Variants in RPRD2 observed in about 807,000 individuals in gnomAD.
RPRD2 encodes regulation of nuclear pre-mRNA domain containing 2, also known as regulation of nuclear pre-mRNA domain-containing protein 2.
RPRD2 carries 12 observed loss-of-function variants against 104.4 expected under a neutral mutation model. The ratio of observed to expected loss-of-function variants is 0.11; its 90% confidence interval spans 0.07 to 0.19. The LOEUF is 0.19. Among genes scored for constraint, RPRD2 ranks in the 10% least tolerant of loss-of-function variants. The pLI is 1.00. For synonymous variants in RPRD2, 714 were observed against 684.9 expected (o/e 1.04, Z -0.66); for missense variants, 1,543 against 1,790.1 (o/e 0.86, Z 2.49).
chr1:150,414,029 G>T (rs956774670), intron 1 of RPRD2, among the ~76,000 whole-genome samples: 1 of 152,058 alleles, frequency 6.6e-6, no homozygotes, highest in Non-Finnish European at 1.5e-5. Context: ...GGAGGCAGAG[G>T]TTTCAGTGAG....
chr1:150,407,867 G>T (rs1553886890), intron 1 of RPRD2, among the ~76,000 whole-genome samples: 1 of 152,062 alleles, frequency 6.6e-6, no homozygotes, highest in Non-Finnish European at 1.5e-5. Context: ...AAGCCAGAGG[G>T]TATGTTATGG....
chr1:150,432,367 AG>A (rs1350080694), intron 2 of RPRD2, among the ~76,000 whole-genome samples: 2 of 151,960 alleles, frequency 1.3e-5, no homozygotes, highest in African/African-American at 4.8e-5. Context: ...GATAAGGGGG[AG>A]TTATTGGTAC....
At chr1:150,373,669 G>A (rs1553878923) in intron 1 of RPRD2, among the ~76,000 whole-genome samples, 1 of 139,962 alleles carries the variant, frequency 7.1e-6, no homozygotes, top group African/African-American at 2.6e-5. Context: ...TTAGGTTTGG[G>A]ATGTCTATTT....
At chr1:150,460,369 T>G in intron 9 of RPRD2, 52 bp downstream of exon 9, 1 of 1,508,060 alleles carries the variant, frequency 6.6e-7, no homozygotes, top group Non-Finnish European at 9.0e-7. Flanking sequence ...CTTTTTAAAT[T>G]GAATCATTAA....
chr1:150,399,756 C>CAAA (rs35551359), intron 1 of RPRD2, among the ~76,000 whole-genome samples: 3 of 127,030 alleles, frequency 2.4e-5, no homozygotes, highest in Non-Finnish European at 1.6e-5. Flanking sequence ...GACCCCATCT[C>CAAA]AAAAAAAAAA....
chr1:150,396,196 G>A (rs1376344646), intron 1 of RPRD2, among the ~76,000 whole-genome samples: 3 of 134,856 alleles, frequency 2.2e-5, no homozygotes, highest in Non-Finnish European at 4.7e-5. Flanking sequence ...GATCGTCTGT[G>A]TGTTTTTTTT....
At chr1:150,384,683 T>TGTGTGTGTGTGTGTG (rs1560155301) in intron 1 of RPRD2, among the ~76,000 whole-genome samples, 23 of 118,048 alleles carry the variant, frequency 1.9e-4, no homozygotes, top group Non-Finnish European at 3.6e-4. Context: ...GTGTGTGTGT[T>TGTGTGTGTGTGTGTG]TTTAGTAGAG....
rs1667836792 is a variant in RPRD2 at position 150,460,272 on chromosome 1, A to G, written c.1366A>G (p.Ile456Val). Residue 456 changes from isoleucine (I) to valine (V), a missense_variant, in exon 9 of 11, where the codon ATC becomes GTC. Physicochemically the swap from Ile to Val is conservative, Grantham distance 29. Coordinates refer to ENST00000369068, the MANE Select transcript of RPRD2 (RefSeq NM_015203.5). The stretch of plus-strand genomic sequence containing the variant: ...CCTGGCTAATGTGGATCTGGCAAAG[A>G]TCAGTTCCATCCTTAGCAGTTTAAC... ...PNLANVDLAK[I>V]SSILSSLTSV... is the part of the protein sequence containing the mutation. 1.9e-6 allele frequency: 3 copies of G among 1,612,880 alleles called. No homozygotes were observed. In the African/African-American group the frequency reaches 4.0e-5, roughly 22 times the overall value.
rs58544799 is a variant in RPRD2 at position 150,433,439 on chromosome 1, AT to A, written c.336-7461del. The stretch of plus-strand genomic sequence containing the variant: ...ATACACACACACACACACAGACATA[AT>A]TTTTTTTTTTTTTTTTTTTTTTGAG... On this transcript the variant is annotated intron_variant, in intron 2 of 10. Transcript: ENST00000369068. Among the ~76,000 whole-genome samples, 543 of 90,382 alleles carry A rather than the reference AT, an allele frequency of 6.0e-3. 5 individuals are homozygous for A. In the East Asian group the frequency reaches 0.12, roughly 19 times the overall value. The allele number at this position is 90,382 out of a possible 152,430, so 59.3% of individuals were successfully genotyped here.
chr1:150,395,365 TTGTGTGTGTGTG>T (rs10524632), intron 1 of RPRD2, among the ~76,000 whole-genome samples: 18 of 144,076 alleles, frequency 1.2e-4, no homozygotes, highest in South Asian at 2.2e-4. Flanking sequence ...TAGTATTCCA[TTGTGTGTGTGTG>T]TGTGTGTGTG....
At chr1:150,431,971 T>C (rs1280002153) in intron 2 of RPRD2, among the ~76,000 whole-genome samples, 2 of 152,056 alleles carry the variant, frequency 1.3e-5, no homozygotes, top group Non-Finnish European at 2.9e-5. Flanking sequence ...TTGGGAGTTA[T>C]TGTTTAGTGG....
In RPRD2 at chr1:150,444,477, A is replaced by G; in HGVS notation, c.694+100A>G. 2.4e-6 allele frequency: 3 copies of G among 1,234,578 alleles called. No individual in the cohort carries two copies. The East Asian group carries it at 7.6e-5, about 31-fold the overall frequency. 76.5% of individuals were successfully genotyped at this position (1,234,578 alleles called of 1,614,324 possible). A position where few individuals can be genotyped will look rare whatever the true frequency, so the allele number is the denominator to read the frequency against. On this transcript the variant is annotated intron_variant, in intron 6 of 10. Transcript: ENST00000369068. ...TTACCTCATAAGGAGATCCTTGGGT[A>G]GAAAGCAGTTGTGGCACCTCTGGTT...
chr1:150,371,427 G>A (rs1311269493), intron 1 of RPRD2, among the ~76,000 whole-genome samples: 3 of 152,268 alleles, frequency 2.0e-5, no homozygotes, highest in Non-Finnish European at 4.4e-5. Context: ...GCAGTGGCAC[G>A]ATCGTGGCTC....
intron 2 of RPRD2, among the ~76,000 whole-genome samples, chr1:150,430,881 C>T (rs587636098): frequency 2.2e-4 from 33 of 151,492 alleles, no homozygotes; most frequent in Non-Finnish European, 4.4e-4. Flanking sequence ...GAGCTGAGAT[C>T]GCGCCGTTGC....
chr1:150,388,516 C>CAT (rs1553882584), intron 1 of RPRD2, among the ~76,000 whole-genome samples: 2 of 148,290 alleles, frequency 1.3e-5, no homozygotes, highest in Non-Finnish European at 3.0e-5. Context: ...CACACACACA[C>CAT]ACACACATAT....
intron 2 of RPRD2, among the ~76,000 whole-genome samples, chr1:150,433,037 T>C (rs1334315403): frequency 1.3e-5 from 2 of 152,054 alleles, no homozygotes; most frequent in African/African-American, 2.4e-5. Context: ...AGAAATGATA[T>C]ATGTTTGAGG....
chr1:150,429,622 G>A (rs587667922), intron 2 of RPRD2, among the ~76,000 whole-genome samples: 10 of 152,116 alleles, frequency 6.6e-5, no homozygotes, highest in South Asian at 2.1e-4. Flanking sequence ...ACCAAACTAC[G>A]AGGCCTTTCT....
At chr1:150,465,207 T>G (rs1553899667) in intron 10 of RPRD2, among the ~76,000 whole-genome samples, 3 of 151,982 alleles carry the variant, frequency 2.0e-5, no homozygotes, top group Non-Finnish European at 1.5e-5. Context: ...TGGAGTGCAG[T>G]GGCCCAATCT....
intron 1 of RPRD2, among the ~76,000 whole-genome samples, chr1:150,384,440 G>GCGGCAT (rs1553881397): frequency 1.6e-4 from 18 of 114,476 alleles, no homozygotes; most frequent in African/African-American, 5.3e-4. Context: ...GGAATAAAAG[G>GCGGCAT]CATCATCATC....
Sources: allele counts gnomAD v4.1 joint callset (sites outside exome capture counted in the v4.1 genomes callset), GRCh38; gene constraint gnomAD v4.1.1; transcripts MANE v1.5; gene names NCBI Gene and HGNC (gene_info 2026-07-23, HGNC 2026-07-21).